RABGAP1L: variants seen among roughly 807,000 people sequenced by gnomAD.
The protein encoded by RABGAP1L is RAB GTPase activating protein 1 like.
Under a neutral mutation model 137.7 loss-of-function variants are expected in RABGAP1L, and 63 were observed. That is an observed-to-expected ratio of 0.46 (90% CI 0.37 to 0.56). The LOEUF is 0.56. Ranked by LOEUF, RABGAP1L falls within the 20% of genes least tolerant of loss-of-function variation. RABGAP1L has a pLI of 0.00. For synonymous variants in RABGAP1L, 431 were observed against 433.7 expected, an observed-to-expected ratio of 0.99 and a Z score of 0.08; for missense variants, 1,095 against 1,244.0, an observed-to-expected ratio of 0.88 and a Z score of 1.80.
Position 174,623,231 on chromosome 1 carries a change from G to A in RABGAP1L, c.1711-14144G>A, listed in dbSNP as rs10436862. On this transcript the variant is annotated intron_variant, in intron 13 of 25. Transcript: ENST00000681986. ...CAGAGGAAAAGTTGAACAATGATAC[G>A]TATATCTAAATAGAGAAAATTTACT... Among the ~76,000 whole-genome samples the A allele has an allele frequency of 1.3e-3, 193 of 152,174 alleles. 1 individual carries two copies. Among genetic ancestry groups the A allele is most frequent in the African/African-American group, 4.5e-3 (188 of 41,520 alleles).
At position 174,196,528 on chromosome 1, in the gene RABGAP1L, T is replaced by C. The variant is rs58240549; in HGVS notation, c.-33-22597T>C. On this transcript the variant is annotated intron_variant, in intron 1 of 25. Transcript: ENST00000681986. ...CGTGAGCAGCATTTATATTTCTTAA[T>C]CCTTTTATTCTTTCTGGGAAAATTT... Among the ~76,000 whole-genome samples, 532 of 151,870 alleles carry C rather than the reference T, an allele frequency of 3.5e-3. 3 individuals carry two copies. Among genetic ancestry groups the C allele is most frequent in the African/African-American group, 0.012 (509 of 41,534 alleles).
At chr1:174,737,789 C>T (rs181197153) in intron 17 of RABGAP1L, among the ~76,000 whole-genome samples, 2 of 152,298 alleles carry the variant, frequency 1.3e-5, no homozygotes, top group East Asian at 3.9e-4. Flanking sequence ...GTGAGAACCT[C>T]AGGAAGCTTA....
At chr1:174,754,492 GT>G in intron 18 of RABGAP1L, among the ~76,000 whole-genome samples, 1 of 151,476 alleles carries the variant, frequency 6.6e-6, no homozygotes, top group Non-Finnish European at 1.5e-5. Flanking sequence ...CTTTTGTTTT[GT>G]TTTGTTTTTT....
At chr1:174,181,676 C>T (rs557951686) in intron 1 of RABGAP1L, among the ~76,000 whole-genome samples, 1 of 152,230 alleles carries the variant, frequency 6.6e-6, no homozygotes, top group East Asian at 1.9e-4. Context: ...ATTTTGGTAT[C>T]CATGGGGGAT....
rs377742875 is a variant in RABGAP1L, at chr1:174,203,862, T to C, written c.-33-15263T>C. ...TTGTTCTTTTTGTGGCAATTTGGAA[T>C]GGGATTGCCTTTCTGATTTGGCTCT... On this transcript the variant is annotated intron_variant, in intron 1 of 25. Coordinates refer to ENST00000681986, the MANE Select transcript of RABGAP1L (RefSeq NM_001366446.1). Among the ~76,000 whole-genome samples, 14 of 152,100 alleles carry C rather than the reference T, an allele frequency of 9.2e-5. No homozygotes were observed. The East Asian group carries it at 1.2e-3, about 13-fold the overall frequency.
At chr1:174,255,150 C>G (rs1673015419) in intron 7 of RABGAP1L, among the ~76,000 whole-genome samples, 1 of 152,060 alleles carries the variant, frequency 6.6e-6, no homozygotes, top group Non-Finnish European at 1.5e-5. Context: ...TGAGAGGCAT[C>G]TTATAATTAT....
chr1:174,190,271 C>A (rs1489589456), intron 1 of RABGAP1L, among the ~76,000 whole-genome samples: 2 of 149,068 alleles, frequency 1.3e-5, no homozygotes, highest in Non-Finnish European at 3.0e-5. Flanking sequence ...CCACTGCACT[C>A]CACCCTGGTG....
intron 20 of RABGAP1L, among the ~76,000 whole-genome samples, chr1:174,966,874 AT>A (rs35446224): frequency 6.6e-6 from 1 of 151,728 alleles, no homozygotes; most frequent in Non-Finnish European, 1.5e-5. Flanking sequence ...GTGGACTTAA[AT>A]TTTTTTTTCT....
intron 2 of RABGAP1L, among the ~76,000 whole-genome samples, chr1:174,220,502 T>C (rs1311628615): frequency 6.6e-6 from 1 of 152,032 alleles, no homozygotes; most frequent in Non-Finnish European, 1.5e-5. Flanking sequence ...ATCCCGTCTC[T>C]ACAAAAAATA....
intron 19 of RABGAP1L, among the ~76,000 whole-genome samples, chr1:174,937,637 T>TATATATATATATATATATA (rs1302676014): frequency 6.5e-5 from 9 of 138,528 alleles, no homozygotes; most frequent in African/African-American, 2.1e-4. Context: ...TATATATATC[T>TATATATATATATATATATA]TGCAGTTAGA....
At chr1:174,393,507 G>A (rs781768267) in intron 12 of RABGAP1L, among the ~76,000 whole-genome samples, 11 of 152,106 alleles carry the variant, frequency 7.2e-5, no homozygotes, top group Non-Finnish European at 4.4e-5. Flanking sequence ...TCTGTCTTTG[G>A]CACTTGGCCC....
At chr1:174,603,648 C>G (rs1034136833) in intron 13 of RABGAP1L, among the ~76,000 whole-genome samples, 1 of 152,076 alleles carries the variant, frequency 6.6e-6, no homozygotes, top group Non-Finnish European at 1.5e-5. Flanking sequence ...ATGGCCACCA[C>G]AGCTGGTATT....
At chr1:174,463,591 A>G (rs1286318370) in intron 13 of RABGAP1L, among the ~76,000 whole-genome samples, 7 of 152,226 alleles carry the variant, frequency 4.6e-5, no homozygotes, top group South Asian at 2.1e-4. Context: ...CAGCACACCA[A>G]CATGGCACAT....
rs1670619785 is a variant in RABGAP1L at position 174,231,158 on chromosome 1, C to T, written c.345C>T (p.Pro115=). ...LDPSNTEIST[P]RPSSPGGLPE... Reference sequence around the variant, plus strand: ...TTGTTTCTTCAGAAATTTCTACACCCAGACCATCTTCTCCAGGTGGACTAC... The same window carrying T: ...TTGTTTCTTCAGAAATTTCTACACCTAGACCATCTTCTCCAGGTGGACTAC... Residue 115 remains proline, a synonymous_variant, in exon 4 of 26, where the codon CCC becomes CCT. Transcript: ENST00000681986. The T allele has an allele frequency of 1.9e-6, 3 of 1,610,724 alleles. No homozygotes were observed. The African/African-American group carries it at 4.0e-5, about 21-fold the overall frequency.
intron 17 of RABGAP1L, among the ~76,000 whole-genome samples, chr1:174,709,079 C>A (rs114942760): frequency 0.024 from 3,688 of 152,262 alleles, 144 homozygotes; most frequent in African/African-American, 0.084. Context: ...GTTGTGGAAC[C>A]CACCGCAGTG....
intron 14 of RABGAP1L, among the ~76,000 whole-genome samples, chr1:174,658,689 A>G (rs1224115569): frequency 6.6e-6 from 1 of 151,320 alleles, no homozygotes; most frequent in Admixed American, 6.6e-5. Context: ...TGGGCTTGTC[A>G]TTTTTTTTAG....
In RABGAP1L at chr1:174,205,976, A is replaced by G. The variant is rs148196265; in HGVS notation, c.-33-13149A>G. On this transcript the variant is annotated intron_variant, in intron 1 of 25. Transcript: ENST00000681986. ...TGGAGCTAGGCCTCAGGAATGACTC[A>G]GGGATATGACTTGGTTAAGACCCTT... Among the ~76,000 whole-genome samples, 639 of 152,348 alleles carry G rather than the reference A, an allele frequency of 4.2e-3. 2 individuals carry two copies. Among genetic ancestry groups the G allele is most frequent in the Admixed American group, 8.5e-3 (130 of 15,306 alleles).
rs1558052111 is a variant in RABGAP1L at position 174,231,187 on chromosome 1, A to T, written c.374A>T (p.Glu125Val). The T allele has an allele frequency of 6.2e-7, 1 of 1,613,450 alleles. No homozygotes were observed. Among genetic ancestry groups the T allele is most frequent in the African/African-American group, 1.3e-5 (1 of 75,012 alleles). ...CCATCTTCTCCAGGTGGACTACCTG[A>T]AGAAGATAGTGTTTTATTTAATAAA... is the stretch of plus-strand genomic sequence containing the variant. Reference protein sequence around the residue: ...PRPSSPGGLPEEDSVLFNKLT... With the variant: ...PRPSSPGGLPVEDSVLFNKLT... Residue 125 changes from glutamate (E) to valine (V), a missense_variant, in exon 4 of 26, where the codon GAA (glutamate) becomes GTA (valine). This residue lies in a region of RABGAP1L where 356 missense variants were observed against 326.3 expected (regional missense o/e 1.09). Transcript: ENST00000681986.
chr1:174,540,121 C>T (rs1029863605), intron 13 of RABGAP1L, among the ~76,000 whole-genome samples: 7 of 152,098 alleles, frequency 4.6e-5, no homozygotes, highest in Admixed American at 2.6e-4. Context: ...ATATCCTTTG[C>T]CCACTTTTTG....
Sources: allele counts gnomAD v4.1 joint callset (sites outside exome capture counted in the v4.1 genomes callset), GRCh38; gene constraint gnomAD v4.1.1; regional missense constraint gnomAD v4.1.1; transcripts MANE v1.5; gene names NCBI Gene and HGNC (gene_info 2026-07-23, HGNC 2026-07-21).